Variants in NLGN1 observed in about 807,000 individuals in gnomAD.
NLGN1 encodes neuroligin 1.
In NLGN1, 12 loss-of-function variants were observed where a neutral mutation model predicts 65.5. That is an observed-to-expected ratio of 0.18 (90% CI 0.12 to 0.30). NLGN1 has a LOEUF of 0.30. NLGN1 is among the 10% of genes least tolerant of loss of function. The pLI is 1.00. For synonymous variants in NLGN1, 350 were observed against 359.5 expected, an observed-to-expected ratio of 0.97 and a Z score of 0.30; for missense variants, 750 against 1,007.1, an observed-to-expected ratio of 0.74 and a Z score of 3.46.
chr3:174,113,767 T>A (rs1715743381), intron 4 of NLGN1, among the ~76,000 whole-genome samples: 1 of 152,126 alleles, frequency 6.6e-6, no homozygotes, highest in South Asian at 2.1e-4. Context: ...ATTTAGAAAA[T>A]TAATAACACT....
intron 4 of NLGN1, among the ~76,000 whole-genome samples, chr3:173,849,943 T>G (rs908050692): frequency 3.3e-5 from 5 of 152,150 alleles, no homozygotes; most frequent in African/African-American, 1.2e-4. Flanking sequence ...ATAAAATATA[T>G]TTATCTGAGG....
chr3:174,250,154 T>C (rs1024013160), intron 4 of NLGN1, among the ~76,000 whole-genome samples: 1 of 152,194 alleles, frequency 6.6e-6, no homozygotes, highest in Admixed American at 6.5e-5. Flanking sequence ...TGTCATTAAC[T>C]CACTAGGGAA....
the NLGN1 span, among the ~76,000 whole-genome samples, chr3:174,292,303 C>T: frequency 2.0e-5 from 3 of 151,198 alleles, no homozygotes; most frequent in African/African-American, 7.3e-5. Flanking sequence ...ACCACGCACA[C>T]AAACACACAT....
chr3:173,676,247 T>G (rs1241699044), intron 3 of NLGN1, among the ~76,000 whole-genome samples: 1 of 152,134 alleles, frequency 6.6e-6, no homozygotes, highest in Non-Finnish European at 1.5e-5. Flanking sequence ...GAGGTAGTGA[T>G]GCCTTTGACA....
intron 4 of NLGN1, among the ~76,000 whole-genome samples, chr3:173,922,038 T>G (rs1316470042): frequency 6.6e-6 from 1 of 152,092 alleles, no homozygotes; most frequent in Non-Finnish European, 1.5e-5. Flanking sequence ...CTAATGTCTT[T>G]TGGTGGTGGT....
At chr3:173,742,102 C>A (rs549077486) in intron 3 of NLGN1, among the ~76,000 whole-genome samples, 1 of 152,098 alleles carries the variant, frequency 6.6e-6, no homozygotes, top group Non-Finnish European at 1.5e-5. Context: ...CTTCCCTCTG[C>A]TTTTCCAGGA....
In NLGN1 at chr3:174,195,666, T is replaced by C. The variant is rs557364930; in HGVS notation, c.647-79649T>C. 2.0e-5 allele frequency among the ~76,000 whole-genome samples: 3 copies of C among 152,312 alleles called. No homozygotes were observed. In the South Asian group the frequency reaches 6.2e-4, roughly 32 times the overall value. On this transcript the variant is annotated intron_variant, in intron 4 of 6. Transcript: ENST00000457714. ...TGCACAAGAAATATTCTTGCCTGAC[T>C]TGCAATATTATCTTGCTGCTACATG...
chr3:174,254,490 T>G (rs1217165455), intron 4 of NLGN1, among the ~76,000 whole-genome samples: 1 of 152,090 alleles, frequency 6.6e-6, no homozygotes, highest in African/African-American at 2.4e-5. Flanking sequence ...CTAGATCATT[T>G]GTTGTAGAAT....
chr3:174,092,849 T>C (rs900113187), intron 4 of NLGN1, among the ~76,000 whole-genome samples: 1 of 152,194 alleles, frequency 6.6e-6, no homozygotes, highest in Admixed American at 6.5e-5. Context: ...ATGTGGACCA[T>C]GGATTCTAAC....
chr3:173,981,950 ATTT>A (rs1014942125), intron 4 of NLGN1, among the ~76,000 whole-genome samples: 81 of 152,078 alleles, frequency 5.3e-4, no homozygotes, highest in African/African-American at 1.9e-3. Context: ...AACAGCTGAT[ATTT>A]TTTATTATAT....
chr3:173,604,804 T>C, exon 3 of NLGN1: 1 of 1,613,734 alleles, frequency 6.2e-7, no homozygotes, highest in South Asian at 1.1e-5. Flanking sequence ...AAGAAGGAAC[T>C]CAATAATGAA....
chr3:173,780,771 T>C (rs1781000783), intron 3 of NLGN1, among the ~76,000 whole-genome samples: 1 of 152,234 alleles, frequency 6.6e-6, no homozygotes, highest in Non-Finnish European at 1.5e-5. Flanking sequence ...CTTGATTTAT[T>C]ATATGTTAAA....
intron 4 of NLGN1, among the ~76,000 whole-genome samples, chr3:173,877,189 T>C (rs1732289806): frequency 1.3e-5 from 2 of 152,164 alleles, no homozygotes; most frequent in South Asian, 4.1e-4. Context: ...CAAATTTAAT[T>C]ACTAGTACAT....
intron 3 of NLGN1, among the ~76,000 whole-genome samples, chr3:173,666,297 C>T (rs1055734167): frequency 1.1e-4 from 16 of 152,192 alleles, no homozygotes; most frequent in Middle Eastern, 3.4e-3. Flanking sequence ...AAGTATCCTC[C>T]TTTAGAAAAT....
intron 4 of NLGN1, among the ~76,000 whole-genome samples, chr3:174,169,433 T>G (rs367824910): frequency 2.6e-5 from 4 of 151,732 alleles, no homozygotes; most frequent in African/African-American, 9.7e-5. Flanking sequence ...AGAGTCCCTC[T>G]GTACCAAGAT....
At chr3:173,629,597 T>C (rs73880526) in intron 3 of NLGN1, among the ~76,000 whole-genome samples, 3,978 of 152,162 alleles carry the variant, frequency 0.026, 172 homozygotes, top group African/African-American at 0.091. Flanking sequence ...TAACAATAGG[T>C]CATAAAATAT....
chr3:173,829,553 CGTGTGTGTGTGTGTGTGTTTGTGT>C (rs1283258934), intron 4 of NLGN1, among the ~76,000 whole-genome samples: 1 of 144,672 alleles, frequency 6.9e-6, no homozygotes, highest in East Asian at 2.1e-4. Flanking sequence ...GGAGTGTGTG[CGTGTGTGTGTGTGTGTGTTTGTGT>C]GTGTGTGTGT....
At chr3:174,016,829 C>G (rs1442842349) in intron 4 of NLGN1, among the ~76,000 whole-genome samples, 1 of 152,070 alleles carries the variant, frequency 6.6e-6, no homozygotes, top group Admixed American at 6.6e-5. Context: ...TCACAAGGAA[C>G]AGTAGAAACT....
At chr3:173,423,100 A>G (rs1715416286) in intron 1 of NLGN1, among the ~76,000 whole-genome samples, 1 of 152,184 alleles carries the variant, frequency 6.6e-6, no homozygotes, top group Admixed American at 6.5e-5. Context: ...AGAGAGAGAG[A>G]GAGATTGAGG....
Sources: allele counts gnomAD v4.1 joint callset (sites outside exome capture counted in the v4.1 genomes callset), GRCh38; gene constraint gnomAD v4.1.1; transcripts MANE v1.5; gene names NCBI Gene and HGNC (gene_info 2026-07-23, HGNC 2026-07-21).